The following PCDH7 variants were observed in gnomAD, a reference collection of about 807,000 sequenced individuals.
PCDH7 encodes the protein protocadherin-7.
Under a neutral mutation model 58.9 loss-of-function variants are expected in PCDH7, and 17 were observed. The ratio of observed to expected loss-of-function variants is 0.29; its 90% CI spans 0.20 to 0.43. The LOEUF is 0.43. Among genes scored for constraint, PCDH7 ranks in the 20% least tolerant of loss-of-function variants. The probability of loss-of-function intolerance (pLI) is 1.00; values close to 1 mark genes in which losing one functional copy is unlikely to be tolerated. For missense variants in PCDH7, 1,274 were observed against 1,441.0 expected, an observed-to-expected ratio of 0.88 and a Z score of 1.88; for synonymous variants, 664 against 616.4, an observed-to-expected ratio of 1.08 and a Z score of -1.14.
chr4:31,114,004 T>A (rs533329272), intron 3 of PCDH7, among the ~76,000 whole-genome samples: 26 of 152,058 alleles, frequency 1.7e-4, no homozygotes, highest in African/African-American at 5.8e-4. Context: ...GGCTAATTTT[T>A]AATATTTTTA....
chr4:30,920,353 A>G, exon 2 of PCDH7: 1 of 1,367,344 alleles, frequency 7.3e-7, no homozygotes. Context: ...TTGGTGAGGC[A>G]GAGCATATGG....
intron 3 of PCDH7, among the ~76,000 whole-genome samples, chr4:30,986,938 G>A (rs1046613345): frequency 6.6e-6 from 1 of 151,716 alleles, no homozygotes; most frequent in Non-Finnish European, 1.5e-5. Flanking sequence ...CCGAGATCAC[G>A]CCACTGCACT....
At chr4:30,767,857 A>G (rs1720946239) in intron 1 of PCDH7, among the ~76,000 whole-genome samples, 1 of 152,214 alleles carries the variant, frequency 6.6e-6, no homozygotes, top group Admixed American at 6.5e-5. Context: ...TCTGAAACAA[A>G]CATCAATAGA....
At chr4:30,997,878 C>A (rs1328087796) in intron 3 of PCDH7, among the ~76,000 whole-genome samples, 1 of 151,790 alleles carries the variant, frequency 6.6e-6, no homozygotes, top group Non-Finnish European at 1.5e-5. Flanking sequence ...ATAAAGTACC[C>A]AATATATAAA....
chr4:30,955,409 T>G (rs1747750645), intron 3 of PCDH7, among the ~76,000 whole-genome samples: 3 of 152,132 alleles, frequency 2.0e-5, no homozygotes, highest in South Asian at 4.1e-4. Context: ...ATAGTCTGTG[T>G]TGTGAAATCT....
intron 3 of PCDH7, among the ~76,000 whole-genome samples, chr4:30,950,963 G>A (rs141486528): frequency 3.6e-3 from 543 of 152,200 alleles, no homozygotes; most frequent in Non-Finnish European, 6.3e-3. Flanking sequence ...GGAAGCACCC[G>A]CCTTCTTGAC....
At chr4:31,026,354 T>C in intron 3 of PCDH7, among the ~76,000 whole-genome samples, 1 of 152,220 alleles carries the variant, frequency 6.6e-6, no homozygotes, top group East Asian at 1.9e-4. Flanking sequence ...GTAGCAAGGA[T>C]TCCCGAGGCT....
chr4:30,722,251 A>T lies in PCDH7; in HGVS notation c.829A>T (p.Thr277Ser). 1 of 1,596,358 alleles carries T rather than the reference A, an allele frequency of 6.3e-7. No homozygotes were observed. The highest frequency in any genetic ancestry group is 8.5e-7 in the Non-Finnish European group (1 of 1,172,596). ...CGAGCAGCGCGACTCCTACGAGCTG[A>T]CCCTGCGAGTGCGCGACGGCGGCGA... The change falls in exon 1 of 2, where the codon ACC (threonine) becomes TCC (serine). Residue 277 changes from threonine to serine, a missense_variant. Thr to Ser is a moderately conservative substitution (Grantham distance 58). Coordinates refer to ENST00000361762, the Ensembl canonical transcript of PCDH7. The surrounding 1 kb of genome is among the most constrained non-coding windows in gnomAD (Gnocchi z 7.6).
chr4:31,005,579 A>G (rs922430458), intron 3 of PCDH7, among the ~76,000 whole-genome samples: 2 of 152,206 alleles, frequency 1.3e-5, no homozygotes, highest in South Asian at 4.1e-4. Context: ...TCGGCATGAT[A>G]CGATTTCAAA....
At chr4:30,836,347 T>C (rs941302149) in intron 1 of PCDH7, among the ~76,000 whole-genome samples, 1 of 152,146 alleles carries the variant, frequency 6.6e-6, no homozygotes, top group Non-Finnish European at 1.5e-5. Context: ...TGTGAGAGAA[T>C]AGCTGCAAGG....
chr4:30,872,137 G>T (rs1421946433), intron 1 of PCDH7, among the ~76,000 whole-genome samples: 1 of 151,826 alleles, frequency 6.6e-6, no homozygotes, highest in Admixed American at 6.6e-5. Flanking sequence ...AGATAAATTG[G>T]GTTCCTCTGT....
intron 1 of PCDH7, among the ~76,000 whole-genome samples, chr4:30,813,759 A>T (rs1727297214): frequency 6.6e-6 from 1 of 152,094 alleles, no homozygotes; most frequent in Admixed American, 6.6e-5. Context: ...TTCTTGCCTC[A>T]GCATCCTGAG....
intron 3 of PCDH7, among the ~76,000 whole-genome samples, chr4:31,082,908 A>G (rs980825163): frequency 7.2e-5 from 11 of 152,166 alleles, no homozygotes; most frequent in Non-Finnish European, 1.5e-4. Flanking sequence ...GGAGATCGAG[A>G]CCATCCTGGC....
chr4:30,801,478 G>A (rs1156536782), intron 1 of PCDH7, among the ~76,000 whole-genome samples: 1 of 151,908 alleles, frequency 6.6e-6, no homozygotes, highest in Admixed American at 6.6e-5. Flanking sequence ...AAGGAAAGAA[G>A]GAGTGTTTCA....
chr4:31,081,412 T>C (rs1332379669), intron 3 of PCDH7, among the ~76,000 whole-genome samples: 1 of 152,216 alleles, frequency 6.6e-6, no homozygotes, highest in African/African-American at 2.4e-5. Context: ...ATGCACATTT[T>C]GATCATTCTT....
chr4:31,054,132 A>G (rs146819550), intron 3 of PCDH7, among the ~76,000 whole-genome samples: 1 of 152,012 alleles, frequency 6.6e-6, no homozygotes, highest in East Asian at 1.9e-4. Context: ...TGCCCAGCCA[A>G]TTTTTGTGTT....
intron 1 of PCDH7, among the ~76,000 whole-genome samples, chr4:30,744,919 A>C (rs539147320): frequency 6.6e-6 from 1 of 152,210 alleles, no homozygotes; most frequent in African/African-American, 2.4e-5. Context: ...ATTTTGACCA[A>C]AACTGAACTT....
intron 3 of PCDH7, among the ~76,000 whole-genome samples, chr4:31,037,041 G>A (rs1410442957): frequency 1.3e-5 from 2 of 152,056 alleles, no homozygotes; most frequent in East Asian, 3.9e-4. Context: ...ATAGCACATG[G>A]GAATTGTGGG....
At position 31,050,360 on chromosome 4, in the gene PCDH7, TG is replaced by T. The variant is rs538581061; in HGVS notation, c.*8-92108del. ...ATTTGTTATACTGACAATATGTAGG[TG>T]GGGGCAAGTCTGGAAAATAAATTTT... On this transcript the variant is annotated intron_variant, in intron 3 of 3. Coordinates refer to the PCDH7 transcript ENST00000509759. Among the ~76,000 whole-genome samples the T allele has an allele frequency of 9.9e-5, 15 of 152,232 alleles. No homozygotes were observed. The South Asian group carries it at 2.9e-3, about 29-fold the overall frequency.
Sources: allele counts gnomAD v4.1 joint callset (sites outside exome capture counted in the v4.1 genomes callset), GRCh38; gene constraint gnomAD v4.1.1; non-coding constraint Gnocchi (gnomAD v3.1); transcripts MANE v1.5; gene names NCBI Gene and HGNC (gene_info 2026-07-23, HGNC 2026-07-21).